The following PLXNA4 variants were observed in gnomAD, a reference collection of about 807,000 sequenced individuals.
PLXNA4 encodes the protein plexin-A4.
A neutral mutation model predicts 191.8 loss-of-function variants in PLXNA4; 44 were observed. That is an observed-to-expected ratio of 0.23 (90% CI 0.18 to 0.29). The LOEUF (loss-of-function observed/expected upper bound fraction) is 0.29. Ranked by LOEUF, PLXNA4 falls within the 10% of genes least tolerant of loss-of-function variation. PLXNA4 has a pLI of 1.00. For missense variants in PLXNA4, 1,800 were observed against 2,488.8 expected, an observed-to-expected ratio of 0.72 and a Z score of 5.89; for synonymous variants, 1,082 against 1,009.5, an observed-to-expected ratio of 1.07 and a Z score of -1.36.
intron 11 of PLXNA4, 29 bp from the exon 12 acceptor site, chr7:132,202,865 G>A (rs376236439): frequency 6.6e-7 from 1 of 1,511,846 alleles, no homozygotes; most frequent in Non-Finnish European, 8.9e-7. Flanking sequence ...AGGACAAGGG[G>A]TGCTTGGGAA....
intron 30 of PLXNA4, among the ~76,000 whole-genome samples, chr7:132,139,978 C>T (rs554835978): frequency 7.2e-5 from 11 of 152,312 alleles, no homozygotes; most frequent in South Asian, 4.1e-4. Flanking sequence ...TACCATGAGT[C>T]GCACTGCCCT....
intron 2 of PLXNA4, among the ~76,000 whole-genome samples, chr7:132,607,870 A>G (rs1325663132): frequency 3.3e-5 from 5 of 152,014 alleles, no homozygotes; most frequent in Admixed American, 3.3e-4. Context: ...CATCATCCTC[A>G]TCACTATCAC....
chr7:132,132,343 T>A (rs919335645), intron 31 of PLXNA4, among the ~76,000 whole-genome samples: 3 of 152,006 alleles, frequency 2.0e-5, no homozygotes, highest in African/African-American at 7.3e-5. Context: ...CAGGTGGGAT[T>A]TTCCAGTGAG....
At position 132,438,018 on chromosome 7, in the gene PLXNA4, C is replaced by T. The variant is rs115823367; in HGVS notation, c.1371+51274G>A. The stretch of plus-strand genomic sequence containing the variant: ...GAGGAGGGGCAGGAACTGCATCCAG[C>T]GTGTGGTTGTGTACGGTTGTGGTTC... On this transcript the variant is annotated intron_variant, in intron 3 of 31. Coordinates refer to ENST00000321063, the MANE Select transcript of PLXNA4 (RefSeq NM_020911.2). Among the ~76,000 whole-genome samples the T allele has an allele frequency of 2.1e-3, 315 of 152,264 alleles. 2 individuals are homozygous for T. Among genetic ancestry groups the T allele is most frequent in the African/African-American group, 6.8e-3 (282 of 41,552 alleles).
intron 3 of PLXNA4, among the ~76,000 whole-genome samples, chr7:132,374,513 G>A (rs574995040): frequency 6.6e-6 from 1 of 152,296 alleles, no homozygotes; most frequent in Admixed American, 6.5e-5. Context: ...CTGGTAATTA[G>A]AAGCTACTGG....
chr7:132,560,009 G>C (rs1490544392), intron 1 of PLXNA4, among the ~76,000 whole-genome samples: 2 of 152,136 alleles, frequency 1.3e-5, no homozygotes, highest in African/African-American at 4.8e-5. Flanking sequence ...CACTTGACAC[G>C]CCTGGACCAA....
At chr7:132,562,107 C>G (rs1369888162) in intron 1 of PLXNA4, among the ~76,000 whole-genome samples, 32 of 113,264 alleles carry the variant, frequency 2.8e-4, no homozygotes, top group Non-Finnish European at 5.0e-4. Flanking sequence ...TCTCCTCCTC[C>G]TCCTTCTCTC....
intron 3 of PLXNA4, among the ~76,000 whole-genome samples, chr7:132,360,842 C>T (rs1414316171): frequency 1.3e-5 from 2 of 152,228 alleles, no homozygotes; most frequent in African/African-American, 4.8e-5. Context: ...GTTCTTCTTC[C>T]ACCTCAAGTC....
chr7:132,624,594 C>T (rs982920479), intron 2 of PLXNA4, among the ~76,000 whole-genome samples: 7 of 152,178 alleles, frequency 4.6e-5, no homozygotes, highest in African/African-American at 1.7e-4. Context: ...TGAAAAGTCA[C>T]ATCTGGGGGC....
At chr7:132,191,071 A>C (rs558593897) in intron 14 of PLXNA4, among the ~76,000 whole-genome samples, 2 of 152,350 alleles carry the variant, frequency 1.3e-5, no homozygotes, top group South Asian at 4.1e-4. Context: ...ATAAGGTGGC[A>C]GATCATGCAA....
chr7:132,613,438 C>T (rs966716305), intron 2 of PLXNA4, among the ~76,000 whole-genome samples: 1 of 152,154 alleles, frequency 6.6e-6, no homozygotes, highest in Non-Finnish European at 1.5e-5. Flanking sequence ...TATCACTGTC[C>T]CCATTAGATT....
intron 3 of PLXNA4, among the ~76,000 whole-genome samples, chr7:132,339,669 C>T (rs904773735): frequency 3.3e-5 from 5 of 152,150 alleles, no homozygotes; most frequent in African/African-American, 1.2e-4. Flanking sequence ...TCCCCCTGTT[C>T]TCTCCTTGCC....
intron 2 of PLXNA4, among the ~76,000 whole-genome samples, chr7:132,588,405 T>C (rs1326326940): frequency 6.6e-6 from 1 of 152,112 alleles, no homozygotes; most frequent in East Asian, 1.9e-4. Flanking sequence ...CCAAATTTTG[T>C]CTAAATGTCT....
intron 2 of PLXNA4, among the ~76,000 whole-genome samples, chr7:132,507,155 G>C (rs1050003684): frequency 6.6e-6 from 1 of 152,118 alleles, no homozygotes; most frequent in Admixed American, 6.5e-5. Flanking sequence ...TTGCACTACA[G>C]CACACTGTGA....
At chr7:132,363,729 T>G (rs1019601404) in intron 3 of PLXNA4, among the ~76,000 whole-genome samples, 2 of 152,262 alleles carry the variant, frequency 1.3e-5, no homozygotes, top group East Asian at 3.8e-4. Flanking sequence ...CTGGATCATA[T>G]AGTAATTCTA....
intron 23 of PLXNA4, 96 bp downstream of exon 23, chr7:132,165,038 C>T (rs1291957303): frequency 1.3e-6 from 2 of 1,503,138 alleles, no homozygotes; most frequent in Non-Finnish European, 1.8e-6. Context: ...AGAGCCAGGC[C>T]CAGTAAGGGA....
chr7:132,567,480 A>C (rs1801788142), intron 1 of PLXNA4, among the ~76,000 whole-genome samples: 1 of 152,062 alleles, frequency 6.6e-6, no homozygotes, highest in African/African-American at 2.4e-5. Flanking sequence ...ATTCATCTGA[A>C]TCCTCTGGAA....
At chr7:132,359,208 G>GT (rs1803830940) in intron 3 of PLXNA4, among the ~76,000 whole-genome samples, 1 of 129,316 alleles carries the variant, frequency 7.7e-6, no homozygotes. Context: ...AGTCAAGGCT[G>GT]CTTTTTTTTT....
chr7:132,304,126 G>C (rs1445288982), intron 3 of PLXNA4, among the ~76,000 whole-genome samples: 12 of 147,284 alleles, frequency 8.1e-5, no homozygotes, highest in African/African-American at 3.0e-4. Context: ...AGGACTAATA[G>C]ATTTCATAAA....
Sources: allele counts gnomAD v4.1 joint callset (sites outside exome capture counted in the v4.1 genomes callset), GRCh38; gene constraint gnomAD v4.1.1; transcripts MANE v1.5; gene names NCBI Gene and HGNC (gene_info 2026-07-23, HGNC 2026-07-21).